Variants in ELP3 observed in about 807,000 individuals in gnomAD.
The protein encoded by ELP3 is elongator complex protein 3.
Under a neutral mutation model 74.9 loss-of-function variants are expected in ELP3, and 56 were observed. That is an observed-to-expected ratio of 0.75 (90% CI 0.60 to 0.93). The LOEUF (loss-of-function observed/expected upper bound fraction) is 0.93, where lower values mean the gene tolerates loss of function less well. ELP3 is among the 40% of genes least tolerant of loss of function. The pLI is 0.00. For synonymous variants in ELP3, 222 were observed against 239.8 expected, an observed-to-expected ratio of 0.93 and a Z score of 0.68; for missense variants, 573 against 686.5, an observed-to-expected ratio of 0.83 and a Z score of 1.85.
chr8:28,129,814 C>A, intron 8 of ELP3, 151 bp downstream of exon 8: 1 of 901,218 alleles, frequency 1.1e-6, no homozygotes, highest in African/African-American at 1.7e-5. Flanking sequence ...TGTCTGTGTT[C>A]TTAATTCCAT....
chr8:28,102,762 C>T (rs1002963264), intron 3 of ELP3, among the ~76,000 whole-genome samples: 1 of 152,186 alleles, frequency 6.6e-6, no homozygotes, highest in Non-Finnish European at 1.5e-5. Flanking sequence ...TTAACCAAAG[C>T]CTGTACATAC....
chr8:28,140,547 C>T (rs1056145217), intron 10 of ELP3, among the ~76,000 whole-genome samples: 1 of 152,312 alleles, frequency 6.6e-6, no homozygotes, highest in Non-Finnish European at 1.5e-5. Flanking sequence ...GGCATTTTCA[C>T]AGTCATTCTT....
chr8:28,152,517 C>T (rs905244768), intron 10 of ELP3, among the ~76,000 whole-genome samples: 9 of 152,052 alleles, frequency 5.9e-5, no homozygotes, highest in African/African-American at 1.7e-4. Context: ...ATAAGAAGCT[C>T]GGCAGTGGCT....
chr8:28,107,866 A>G, intron 4 of ELP3, 47 bp from the exon 5 acceptor site: 1 of 1,504,048 alleles, frequency 6.6e-7, no homozygotes, highest in Non-Finnish European at 9.2e-7. Context: ...TAGCTGATTG[A>G]ACTCAGTTTT....
intron 11 of ELP3, among the ~76,000 whole-genome samples, chr8:28,156,802 G>C (rs894530725): frequency 2.6e-5 from 4 of 152,132 alleles, no homozygotes; most frequent in Non-Finnish European, 5.9e-5. Context: ...TCCAAGGATT[G>C]CATATGGTGT....
chr8:28,119,406 G>A (rs751273445), intron 7 of ELP3, among the ~76,000 whole-genome samples: 11 of 151,366 alleles, frequency 7.3e-5, no homozygotes, highest in Middle Eastern at 3.2e-3. Context: ...AGTGTCTCTC[G>A]CGTGTGCTTG....
At chr8:28,167,297 A>G (rs1485385388) in intron 14 of ELP3, among the ~76,000 whole-genome samples, 1 of 152,206 alleles carries the variant, frequency 6.6e-6, no homozygotes, top group Non-Finnish European at 1.5e-5. Context: ...ATGGCTTTCT[A>G]GGACTGCAGT....
At chr8:28,126,843 G>A (rs2130448003) in intron 7 of ELP3, among the ~76,000 whole-genome samples, 1 of 152,324 alleles carries the variant, frequency 6.6e-6, no homozygotes, top group Admixed American at 6.5e-5. Context: ...TTGGTGAGAT[G>A]TAGGATTAGA....
intron 14 of ELP3, among the ~76,000 whole-genome samples, chr8:28,175,202 A>C (rs1585748514): frequency 6.6e-6 from 1 of 152,176 alleles, no homozygotes; most frequent in African/African-American, 2.4e-5. Flanking sequence ...GGAAGTATTC[A>C]GCCATTTCTT....
rs1409629202 is a variant in ELP3 at position 28,106,728 on chromosome 8, G to A, written c.274G>A (p.Val92Met). The A allele has an allele frequency of 6.2e-7, 1 of 1,612,790 alleles. No individual in the cohort carries two copies. Among genetic ancestry groups the A allele is most frequent in the South Asian group, 1.1e-5 (1 of 91,018 alleles). The part of the protein sequence containing the change: ...RTASGIAVVA[V>M]MCKPHRCPHI... Reference sequence around the variant, plus strand: ...TCTTTTATAGATTGCTGTCGTGGCTGTGATGTGCAAACCCCACAGATGTCC... The same window carrying A: ...TCTTTTATAGATTGCTGTCGTGGCTATGATGTGCAAACCCCACAGATGTCC... The change falls in exon 4 of 15, where the codon GTG becomes ATG. Residue 92 changes from valine to methionine, a missense_variant. Physicochemically the swap from Val to Met is conservative, Grantham distance 21. Coordinates refer to ENST00000256398, the MANE Select transcript of ELP3 (RefSeq NM_018091.6).
At chr8:28,176,950 G>A (rs1433820499) in intron 14 of ELP3, among the ~76,000 whole-genome samples, 1 of 152,158 alleles carries the variant, frequency 6.6e-6, no homozygotes, top group East Asian at 1.9e-4. Context: ...AACTCTCTAA[G>A]AGCTGTAAGA....
chr8:28,118,861 G>C (rs770758630), intron 7 of ELP3: 3 of 152,010 alleles, frequency 2.0e-5, no homozygotes, highest in Non-Finnish European at 4.4e-5. Flanking sequence ...TTCATTTCCC[G>C]TTCCTTCCTC....
chr8:28,183,835 C>T (rs1815120021), intron 14 of ELP3, among the ~76,000 whole-genome samples: 1 of 152,200 alleles, frequency 6.6e-6, no homozygotes, highest in Non-Finnish European at 1.5e-5. Flanking sequence ...CCACGCAGGC[C>T]ATCGGGTGGA....
Position 28,108,552 on chromosome 8 carries a change from G to A in ELP3, c.393+576G>A, listed in dbSNP as rs185821971. Reference sequence around the variant, plus strand: ...CTTCACTGCAACCTCCACCTCCTGGGTTCAAGTGATTCTCCTGCCTCAGCC... The same window carrying A: ...CTTCACTGCAACCTCCACCTCCTGGATTCAAGTGATTCTCCTGCCTCAGCC... On this transcript the variant is annotated intron_variant, in intron 5 of 14. Coordinates refer to ENST00000256398, the MANE Select transcript of ELP3 (RefSeq NM_018091.6). Among the ~76,000 whole-genome samples, 649 of 151,404 alleles carry A rather than the reference G, an allele frequency of 4.3e-3. 1 individual carries two copies. The highest frequency in any genetic ancestry group is 0.017 in the Middle Eastern group (5 of 290).
chr8:28,154,119 G>A (rs934994914), intron 10 of ELP3, among the ~76,000 whole-genome samples: 5 of 152,166 alleles, frequency 3.3e-5, no homozygotes, highest in East Asian at 1.9e-4. Flanking sequence ...GAGTTATAGC[G>A]CTGTCCTTGA....
At chr8:28,169,755 G>A (rs73668166) in intron 14 of ELP3, among the ~76,000 whole-genome samples, 5,200 of 152,258 alleles carry the variant, frequency 0.034, 322 homozygotes, top group African/African-American at 0.12. Context: ...CTCTAACAAG[G>A]CTGTAGTCAA....
chr8:28,126,170 G>A (rs1256439230), intron 7 of ELP3, among the ~76,000 whole-genome samples: 13 of 152,058 alleles, frequency 8.5e-5, no homozygotes, highest in African/African-American at 2.2e-4. Context: ...AGGGTGCTTG[G>A]GAATGGGAGC....
At chr8:28,101,663 C>G (rs1221882032) in intron 3 of ELP3, among the ~76,000 whole-genome samples, 1 of 150,846 alleles carries the variant, frequency 6.6e-6, no homozygotes, top group Non-Finnish European at 1.5e-5. Flanking sequence ...GATCTTGGCT[C>G]ACTGCAACTT....
intron 3 of ELP3, among the ~76,000 whole-genome samples, chr8:28,106,356 C>G (rs868462935): frequency 5.3e-4 from 81 of 151,698 alleles, no homozygotes; most frequent in African/African-American, 1.7e-3. Flanking sequence ...CCGGCTAAAA[C>G]GGTGAAACCC....
Sources: allele counts gnomAD v4.1 joint callset (sites outside exome capture counted in the v4.1 genomes callset), GRCh38; gene constraint gnomAD v4.1.1; transcripts MANE v1.5; gene names NCBI Gene and HGNC (gene_info 2026-07-23, HGNC 2026-07-21).